BCO1: variants seen among roughly 807,000 people sequenced by gnomAD.
BCO1 encodes the protein beta,beta-carotene 15,15'-dioxygenase.
Under a neutral mutation model 56.3 loss-of-function variants are expected in BCO1, and 54 were observed. That is an observed-to-expected ratio of 0.96 (90% confidence interval 0.77 to 1.20). BCO1 has a LOEUF of 1.20. Ranked by LOEUF, BCO1 falls within the 50% of genes most tolerant of loss-of-function variation. The probability of loss-of-function intolerance (pLI) is 0.00; values close to 1 mark genes in which losing one functional copy is unlikely to be tolerated. For synonymous variants in BCO1, 318 were observed against 266.1 expected (o/e 1.20, Z -1.90); for missense variants, 801 against 690.9 (o/e 1.16, Z -1.79).
chr16:81,271,334 C>T lies in BCO1; in HGVS notation c.1101+918C>T, dbSNP rs539966956. Among the ~76,000 whole-genome samples the T allele has an allele frequency of 4.6e-5, 7 of 151,966 alleles. No individual in the cohort carries two copies. In the South Asian group the frequency reaches 8.3e-4, roughly 18 times the overall value. ...TTCACCATGTTGCTCAGGCTGTTCT[C>T]GAACTCCTGACCTCAGGTGATCCAC... On this transcript the variant is annotated intron_variant, in intron 7 of 10. Transcript: ENST00000258168.
chr16:81,269,440 C>T (rs1232432512), intron 6 of BCO1, among the ~76,000 whole-genome samples: 1 of 151,956 alleles, frequency 6.6e-6, no homozygotes, highest in East Asian at 1.9e-4. Flanking sequence ...GGATTATAGG[C>T]ACACGCCACA....
intron 7 of BCO1, among the ~76,000 whole-genome samples, chr16:81,280,604 C>A (rs1320380156): frequency 6.6e-6 from 1 of 152,070 alleles, no homozygotes; most frequent in South Asian, 2.1e-4. Flanking sequence ...ATAAGGCAGG[C>A]TCAGAGTAAG....
At chr16:81,239,017 ATTAT>A in intron 1 of BCO1, 45 bp downstream of exon 1, 1 of 1,490,616 alleles carries the variant, frequency 6.7e-7, no homozygotes, top group Non-Finnish European at 9.1e-7. Flanking sequence ...TATTTATTTT[ATTAT>A]TTTTTTTTTT....
intron 5 of BCO1, among the ~76,000 whole-genome samples, chr16:81,267,252 A>T (rs1906884690): frequency 6.6e-6 from 1 of 152,114 alleles, no homozygotes; most frequent in South Asian, 2.1e-4. Flanking sequence ...CATTCCACTA[A>T]GCCTCAGTTT....
Position 81,285,553 on chromosome 16 carries a change from A to C in BCO1, c.1221A>C (p.Pro407=). Residue 407 remains proline (P), a synonymous_variant, in exon 9 of 11, where the codon CCA becomes CCC. Coordinates refer to ENST00000258168, the MANE Select transcript of BCO1 (RefSeq NM_017429.3). Reference sequence around the variant, plus strand: ...ATTTCCTTGTAGGCTTAGAGCTTCCACGGGTCAATTATGCTCACAATGGAA... The same window carrying C: ...ATTTCCTTGTAGGCTTAGAGCTTCCCCGGGTCAATTATGCTCACAATGGAA... ...PEFLYEGLEL[P]RVNYAHNGKQ... 2 of 1,613,286 alleles carry C rather than the reference A, an allele frequency of 1.2e-6. No homozygotes were observed. The highest frequency in any genetic ancestry group is 1.7e-6 in the Non-Finnish European group (2 of 1,179,228).
intron 1 of BCO1, among the ~76,000 whole-genome samples, chr16:81,242,447 C>G (rs952986354): frequency 6.6e-6 from 1 of 152,044 alleles, no homozygotes; most frequent in East Asian, 1.9e-4. Flanking sequence ...GTGATCCATC[C>G]GCCTTGGCCT....
intron 2 of BCO1, among the ~76,000 whole-genome samples, chr16:81,252,135 T>C (rs1448872599): frequency 6.6e-6 from 1 of 152,114 alleles, no homozygotes; most frequent in East Asian, 1.9e-4. Flanking sequence ...AGGCACTCCA[T>C]GCTCTGGGGC....
Position 81,287,371 on chromosome 16 carries a change from T to A in BCO1, c.1379T>A (p.Phe460Tyr), listed in dbSNP as rs1343462513. Residue 460 changes from phenylalanine to tyrosine, a missense_variant, in exon 10 of 11, where the codon TTT (phenylalanine) becomes TAT (tyrosine). By Grantham distance (22) the Phe-to-Tyr change is conservative (BLOSUM62 3). Coordinates refer to ENST00000258168, the MANE Select transcript of BCO1 (RefSeq NM_017429.3). ...GACTGCTGGCCAGCGGAACCCCTGT[T>A]TGTGCCCGCGCCAGGTGCCAAGGAT... ...EDDCWPAEPL[F>Y]VPAPGAKDED... 6.2e-7 allele frequency: 1 copy of A among 1,614,084 alleles called. No homozygotes were observed. The highest frequency in any genetic ancestry group is 1.7e-5 in the Admixed American group (1 of 60,012).
intron 8 of BCO1, among the ~76,000 whole-genome samples, chr16:81,282,596 T>C (rs1907945465): frequency 6.6e-6 from 1 of 151,870 alleles, no homozygotes; most frequent in African/African-American, 2.4e-5. Context: ...CTGGAGTCTT[T>C]AGAAATGAAT....
chr16:81,278,062 G>C (rs1363565952), intron 7 of BCO1, among the ~76,000 whole-genome samples: 1 of 151,938 alleles, frequency 6.6e-6, no homozygotes, highest in Non-Finnish European at 1.5e-5. Context: ...TTTTTTTTGA[G>C]ACAGAGTCTC....
At position 81,280,973 on chromosome 16, in the gene BCO1, T is replaced by C. The variant is rs138186067; in HGVS notation, c.1207+11T>C. On this transcript the variant is annotated intron_variant, in intron 8 of 10. Transcript: ENST00000258168. The stretch of plus-strand genomic sequence containing the variant: ...AATTTCTTTATGAAGGTAAAATGCA[T>C]CCTCTTGTCCTGAGTTTAGGAAAGG... 1.7e-3 allele frequency: 2,735 copies of C among 1,593,020 alleles called. 83 individuals are homozygous for C. In the East Asian group the frequency reaches 0.051, roughly 30 times the overall value.
intron 2 of BCO1, among the ~76,000 whole-genome samples, chr16:81,249,456 C>T (rs1054938535): frequency 6.6e-6 from 1 of 152,160 alleles, no homozygotes; most frequent in East Asian, 1.9e-4. Context: ...CGGGGTTTCA[C>T]CGTGTTAGCC....
At chr16:81,239,239 A>G (rs1905007211) in intron 1 of BCO1, among the ~76,000 whole-genome samples, 1 of 151,502 alleles carries the variant, frequency 6.6e-6, no homozygotes, top group Admixed American at 6.6e-5. Context: ...CTGGTCTCGA[A>G]CTCCTAGCCT....
chr16:81,241,449 G>C (rs1905103917), intron 1 of BCO1, among the ~76,000 whole-genome samples: 2 of 152,208 alleles, frequency 1.3e-5, no homozygotes. Flanking sequence ...AACACGAGAG[G>C]CTGAGTGAGC....
intron 1 of BCO1, among the ~76,000 whole-genome samples, chr16:81,243,711 T>A (rs1011822896): frequency 6.6e-5 from 10 of 152,178 alleles, no homozygotes; most frequent in African/African-American, 2.4e-4. Flanking sequence ...TCAAGCGATC[T>A]GCCTGCCTCA....
At chr16:81,275,954 T>G (rs1907531276) in intron 7 of BCO1, among the ~76,000 whole-genome samples, 1 of 152,130 alleles carries the variant, frequency 6.6e-6, no homozygotes, top group African/African-American at 2.4e-5. Context: ...GGGTGGGTCA[T>G]CTGGACCTTG....
intron 8 of BCO1, among the ~76,000 whole-genome samples, chr16:81,284,266 T>A (rs28635986): frequency 1.2e-3 from 1 of 858 alleles, no homozygotes; most frequent in African/African-American, 1.8e-3. Flanking sequence ...AAATATATAT[T>A]TATATATTTA....
intron 1 of BCO1, among the ~76,000 whole-genome samples, chr16:81,244,713 C>G (rs1022436882): frequency 7.5e-6 from 1 of 132,570 alleles, no homozygotes; most frequent in Non-Finnish European, 1.6e-5. Flanking sequence ...AGCGTTGCCC[C>G]TATCTTTTTT....
intron 4 of BCO1, chr16:81,264,232 T>C (rs993760886): frequency 3.5e-6 from 1 of 285,352 alleles, no homozygotes; most frequent in African/African-American, 2.2e-5. Context: ...TGGCCAAGAT[T>C]AGCTCGAAGG....
Sources: allele counts gnomAD v4.1 joint callset (sites outside exome capture counted in the v4.1 genomes callset), GRCh38; gene constraint gnomAD v4.1.1; transcripts MANE v1.5; gene names NCBI Gene and HGNC (gene_info 2026-07-23, HGNC 2026-07-21).